The following CABIN1 variants were observed in gnomAD, a reference collection of about 807,000 sequenced individuals.
The protein encoded by CABIN1 is calcineurin binding protein 1.
CABIN1 carries 133 observed loss-of-function variants against 227.7 expected under a neutral mutation model. The ratio of observed to expected loss-of-function variants is 0.58; its 90% confidence interval spans 0.51 to 0.67. The LOEUF is 0.67. Among genes scored for constraint, CABIN1 ranks in the 30% least tolerant of loss-of-function variants. The pLI is 0.00. For missense variants in CABIN1, 2,408 were observed against 2,852.5 expected, an observed-to-expected ratio of 0.84 and a Z score of 3.55; for synonymous variants, 1,086 against 1,155.1, an observed-to-expected ratio of 0.94 and a Z score of 1.21.
At chr22:24,042,860 G>GTA (rs2037521433) in intron 5 of CABIN1, 44 bp from the exon 6 acceptor site, 2 of 1,148,032 alleles carry the variant, frequency 1.7e-6, no homozygotes, top group Non-Finnish European at 2.6e-6. Context: ...GTGTGTGTGT[G>GTA]TGTGTGTGTG....
intron 33 of CABIN1, among the ~76,000 whole-genome samples, chr22:24,169,566 G>T (rs1182884551): frequency 1.3e-5 from 2 of 152,196 alleles, no homozygotes; most frequent in Non-Finnish European, 2.9e-5. Flanking sequence ...GTCCTTGACA[G>T]GGAGTGCCCC....
Position 24,036,135 on chromosome 22 carries a change from A to G in CABIN1, c.50A>G (p.His17Arg). 7 of 1,613,936 alleles carry G rather than the reference A, an allele frequency of 4.3e-6. No individual in the cohort carries two copies. Among genetic ancestry groups the G allele is most frequent in the Non-Finnish European group, 5.9e-6 (7 of 1,179,874 alleles). The change falls in exon 3 of 37, where the codon CAT becomes CGT. Residue 17 changes from histidine to arginine, a missense_variant. By Grantham distance (29) the His-to-Arg change is conservative. This residue lies in a region of CABIN1 where 1,045 missense variants were observed against 1,168.4 expected (regional missense o/e 0.89). Transcript: ENST00000263119. ...GCCAGCTCCACCATTGAGGATGATC[A>G]TGAAGGAAGCTTTAAAAGTCACAAA... ...LNASSTIEDD[H>R]EGSFKSHKTQ... is the part of the protein sequence containing the mutation.
In CABIN1 at chr22:24,167,050, C is replaced by T. The variant is rs971465820; in HGVS notation, c.5419C>T (p.Arg1807Trp). The T allele has an allele frequency of 4.0e-5, 62 of 1,546,366 alleles. No homozygotes were observed. In the East Asian group the frequency reaches 8.1e-4, roughly 20 times the overall value. Residue 1807 changes from arginine to tryptophan, a missense_variant, in exon 32 of 37, where the codon CGG (arginine) becomes TGG (tryptophan). Arg to Trp is a moderately radical substitution (Grantham distance 101, BLOSUM62 -3). This residue lies in a region of CABIN1 where 714 missense variants were observed against 773.8 expected (regional missense o/e 0.92). Coordinates refer to ENST00000263119, the MANE Select transcript of CABIN1 (RefSeq NM_012295.4). ...CCTGGAGGAGCTGAGCATCAGTGCC[C>T]GGCAGCAGCCCACCCCGCTCACCCC... ...LSLEELSISARQQPTPLTPAQ... is the reference protein window; with the variant it reads ...LSLEELSISAWQQPTPLTPAQ...
Position 24,059,256 on chromosome 22 carries a change from A to T in CABIN1, c.1292A>T (p.Asp431Val). 6.2e-7 allele frequency: 1 copy of T among 1,614,246 alleles called. No individual in the cohort carries two copies. Among genetic ancestry groups the T allele is most frequent in the Non-Finnish European group, 8.5e-7 (1 of 1,180,040 alleles). ...RLRKLDPEEE[D>V]DSFNNYEVQS... ...AGAAAGCTGGACCCTGAGGAGGAAG[A>T]TGATTCCTTTAATAACTATGAAGTC... Residue 431 changes from aspartate (D) to valine (V), a missense_variant, in exon 11 of 37, where the codon GAT (aspartate) becomes GTT (valine). Around this residue, in one of 3 missense-constraint regions of CABIN1, gnomAD observed 1,045 missense variants for 1,168.4 expected, o/e 0.89. Transcript: ENST00000263119.
chr22:24,173,083 C>T (rs2046916353), intron 34 of CABIN1: 1 of 152,382 alleles, frequency 6.6e-6, no homozygotes, highest in Non-Finnish European at 1.5e-5. Flanking sequence ...TCAGGCCCTC[C>T]CCTGCTTCTC....
intron 33 of CABIN1, 39 bp from the exon 34 acceptor site, chr22:24,171,674 G>A (rs767041844): frequency 6.2e-7 from 1 of 1,612,848 alleles, no homozygotes; most frequent in Non-Finnish European, 8.5e-7. Context: ...GCTCAGGGCT[G>A]CCTAGCCAGC....
At chr22:24,113,795 G>A (rs1243116640) in intron 27 of CABIN1, 47 bp downstream of exon 27, 4 of 1,602,022 alleles carry the variant, frequency 2.5e-6, no homozygotes, top group Non-Finnish European at 3.4e-6. Context: ...GATGTCCTGT[G>A]GCAATCTGGG....
intron 1 of CABIN1, among the ~76,000 whole-genome samples, chr22:24,029,133 C>A (rs1426466008): frequency 6.6e-6 from 1 of 152,144 alleles, no homozygotes; most frequent in Admixed American, 6.6e-5. Flanking sequence ...ACAGGTGGAT[C>A]GCTTGAGGCC....
At chr22:24,108,024 C>CG (rs1204013572) in intron 26 of CABIN1, among the ~76,000 whole-genome samples, 1 of 152,176 alleles carries the variant, frequency 6.6e-6, no homozygotes, top group African/African-American at 2.4e-5. Context: ...TCTAAGCCAT[C>CG]GGTGTTCTCA....
intron 26 of CABIN1, among the ~76,000 whole-genome samples, chr22:24,108,231 G>C (rs547694870): frequency 6.6e-6 from 1 of 152,352 alleles, no homozygotes; most frequent in East Asian, 1.9e-4. Flanking sequence ...GCAGATCTGG[G>C]ATGGGAATGT....
chr22:24,100,182 C>T (rs945857423), intron 26 of CABIN1, among the ~76,000 whole-genome samples: 3 of 152,248 alleles, frequency 2.0e-5, no homozygotes, highest in Non-Finnish European at 4.4e-5. Context: ...CTGTCAAAGA[C>T]ACAAAGCCAT....
At chr22:24,168,891 G>A (rs1412503071) in intron 33 of CABIN1, among the ~76,000 whole-genome samples, 1 of 152,210 alleles carries the variant, frequency 6.6e-6, no homozygotes, top group East Asian at 1.9e-4. Context: ...AGGTGGAGAT[G>A]CAGCCTATAC....
In CABIN1 at chr22:24,171,867, C is replaced by G. The variant is rs1321585182; in HGVS notation, c.5912C>G (p.Ala1971Gly). Residue 1971 changes from alanine (A) to glycine (G), a missense_variant, in exon 34 of 37, where the codon GCT (alanine) becomes GGT (glycine). Physicochemically the swap from Ala to Gly is moderately conservative, Grantham distance 60. Transcript: ENST00000263119. Reference sequence around the variant, plus strand: ...CACACCAAGCCTCGCCCTGCACTAGCTGCCGCCACAACTATTATCACCTGC... The same window carrying G: ...CACACCAAGCCTCGCCCTGCACTAGGTGCCGCCACAACTATTATCACCTGC... ...DAHTKPRPAL[A>G]AATTIITCPP... 1 of 1,613,980 alleles carries G rather than the reference C, an allele frequency of 6.2e-7. No individual in the cohort carries two copies. The highest frequency in any genetic ancestry group is 8.5e-7 in the Non-Finnish European group (1 of 1,180,042).
intron 31 of CABIN1, 34 bp downstream of exon 31, chr22:24,165,660 C>G: frequency 3.8e-6 from 6 of 1,561,756 alleles, no homozygotes; most frequent in Non-Finnish European, 5.3e-6. Context: ...CCTCCACGGC[C>G]CATGAACACG....
At position 24,097,996 on chromosome 22, in the gene CABIN1, A is replaced by C; in HGVS notation, c.3939-18A>C. ...AGGTGGAGACTCTGACCTGTGCCCC[A>C]AACCTCTGTTCCCACAGGGAGAAGG... On this transcript the variant is annotated intron_variant, in intron 25 of 36. Coordinates refer to ENST00000263119, the MANE Select transcript of CABIN1 (RefSeq NM_012295.4). 1 of 1,614,118 alleles carries C rather than the reference A, an allele frequency of 6.2e-7. No individual in the cohort carries two copies. The highest frequency in any genetic ancestry group is 8.5e-7 in the Non-Finnish European group (1 of 1,179,996).
At chr22:24,151,421 A>G (rs1171504224) in intron 29 of CABIN1, among the ~76,000 whole-genome samples, 1 of 152,072 alleles carries the variant, frequency 6.6e-6, no homozygotes. Flanking sequence ...CACAAAAGCC[A>G]TTTTTTAGGG....
chr22:24,056,453 C>G (rs1474590021), intron 10 of CABIN1, 93 bp downstream of exon 10: 1 of 1,196,452 alleles, frequency 8.4e-7, no homozygotes, highest in East Asian at 2.4e-5. Flanking sequence ...CCACCCTCTT[C>G]TCTGGTCTCC....
chr22:24,020,862 G>T (rs2035671776), intron 1 of CABIN1, among the ~76,000 whole-genome samples: 1 of 151,992 alleles, frequency 6.6e-6, no homozygotes, highest in African/African-American at 2.4e-5. Context: ...GTGTGAATGT[G>T]CTGTGAGCAC....
In CABIN1 at chr22:24,087,704, C is replaced by A; in HGVS notation, c.3516C>A (p.Leu1172=). Residue 1172 remains leucine (L), a synonymous_variant, in exon 23 of 37, where the codon CTC becomes CTA. Coordinates refer to ENST00000263119, the MANE Select transcript of CABIN1 (RefSeq NM_012295.4). ...GGAGAGGCGAGCTGCCCCCTGAGCTCGTGCAGCAGGTGAGGAGGGGGTGCT... is the reference window on the plus strand; with the variant it reads ...GGAGAGGCGAGCTGCCCCCTGAGCTAGTGCAGCAGGTGAGGAGGGGGTGCT... The part of the protein sequence containing the change: ...KQWRGELPPE[L]VQQMEGRRDS... The A allele has an allele frequency of 5.0e-6, 8 of 1,613,880 alleles. No homozygotes were observed. Among genetic ancestry groups the A allele is most frequent in the Non-Finnish European group, 6.8e-6 (8 of 1,180,040 alleles).
Sources: allele counts gnomAD v4.1 joint callset (sites outside exome capture counted in the v4.1 genomes callset), GRCh38; gene constraint gnomAD v4.1.1; regional missense constraint gnomAD v4.1.1; transcripts MANE v1.5; gene names NCBI Gene and HGNC (gene_info 2026-07-23, HGNC 2026-07-21).